The following MACF1 variants were observed in gnomAD, a reference collection of about 807,000 sequenced individuals.
MACF1 encodes microtubule-actin cross-linking factor 1.
A neutral mutation model predicts 854.8 loss-of-function variants in MACF1; 193 were observed. The ratio of observed to expected loss-of-function variants is 0.23; its 90% CI spans 0.20 to 0.25. The LOEUF is 0.25. Among genes scored for constraint, MACF1 ranks in the 10% least tolerant of loss-of-function variants. The pLI is 1.00. For synonymous variants in MACF1, 3,185 were observed against 3,226.7 expected, an observed-to-expected ratio of 0.99 and a Z score of 0.44; for missense variants, 7,722 against 8,929.1, an observed-to-expected ratio of 0.86 and a Z score of 5.45.
rs752144422 is a variant in MACF1, at chr1:39,429,963, T to C, written c.17025T>C (p.Tyr5675=). The C allele has an allele frequency of 2.5e-6, 4 of 1,613,942 alleles. No individual in the cohort carries two copies. The highest frequency in any genetic ancestry group is 3.4e-6 in the Non-Finnish European group (4 of 1,179,930). ...RQLATKFQST[Y]EELTGWLREV... ...TGGCCACCAAGTTCCAGTCTACTTA[T>C]GAGGAACTGACCGGGTGGCTGAGGG... is the stretch of plus-strand genomic sequence containing the variant. The change falls in exon 65 of 101, where the codon TAT becomes TAC. Residue 5675 remains tyrosine (Y), a synonymous_variant. Transcript: ENST00000564288.
At chr1:39,147,050 C>G (rs1191636185) in intron 2 of MACF1, among the ~76,000 whole-genome samples, 3 of 151,164 alleles carry the variant, frequency 2.0e-5, no homozygotes, top group Non-Finnish European at 4.4e-5. Context: ...TTCTCCTCCT[C>G]CTGTTCCTCT....
intron 38 of MACF1, among the ~76,000 whole-genome samples, chr1:39,338,264 T>G (rs1646861824): frequency 6.6e-6 from 1 of 151,692 alleles, no homozygotes; most frequent in Middle Eastern, 3.2e-3. Flanking sequence ...TGGGTTGTTT[T>G]TTTTTTTTAG....
At chr1:39,465,186 A>T (rs974296231) in intron 95 of MACF1, 74 bp downstream of exon 95, 2 of 1,441,408 alleles carry the variant, frequency 1.4e-6, no homozygotes, top group African/African-American at 2.8e-5. Flanking sequence ...GTTCTTCGCT[A>T]TGGGGAGAGG....
chr1:39,378,587 T>C, intron 53 of MACF1, 64 bp downstream of exon 53: 1 of 1,449,430 alleles, frequency 6.9e-7, no homozygotes, highest in Non-Finnish European at 9.7e-7. Flanking sequence ...TATGTTTGCA[T>C]CTGTGTATGT....
At position 39,214,146 on chromosome 1, in the gene MACF1, G is replaced by A. The variant is rs567978820; in HGVS notation, c.109+9015G>A. On this transcript the variant is annotated intron_variant, in intron 1 of 100. Coordinates refer to ENST00000564288, the MANE Select transcript of MACF1 (RefSeq NM_001394062.1). ...AAAGCAGCATTAGCCTGAAGAAGTCGTTCTATTTAGGGAGCTAGAGCAGAG... is the reference window on the plus strand; with the variant it reads ...AAAGCAGCATTAGCCTGAAGAAGTCATTCTATTTAGGGAGCTAGAGCAGAG... Among the ~76,000 whole-genome samples, 20 of 152,248 alleles carry A rather than the reference G, an allele frequency of 1.3e-4. No homozygotes were observed. In the East Asian group the frequency reaches 1.7e-3, roughly 13 times the overall value.
At chr1:39,306,285 G>A (rs138451138) in intron 23 of MACF1, among the ~76,000 whole-genome samples, 3,870 of 151,644 alleles carry the variant, frequency 0.026, 87 homozygotes, top group Middle Eastern at 0.079. Flanking sequence ...GTGCCACCAC[G>A]ACTGGCTAAT....
At chr1:39,153,474 C>T (rs1331292042) in intron 2 of MACF1, among the ~76,000 whole-genome samples, 1 of 152,104 alleles carries the variant, frequency 6.6e-6, no homozygotes, top group Non-Finnish European at 1.5e-5. Flanking sequence ...CTCCTTGGAC[C>T]CACAGCCAAA....
intron 42 of MACF1, among the ~76,000 whole-genome samples, chr1:39,349,991 CA>C: frequency 6.6e-6 from 1 of 152,274 alleles, no homozygotes; most frequent in Non-Finnish European, 1.5e-5. Context: ...TAATGGTAAA[CA>C]GACATCATCC....
intron 2 of MACF1, among the ~76,000 whole-genome samples, chr1:39,180,603 G>A (rs946714559): frequency 1.3e-5 from 2 of 152,106 alleles, no homozygotes; most frequent in African/African-American, 4.8e-5. Flanking sequence ...GCAACAGAGC[G>A]ATACTCCACC....
intron 41 of MACF1, among the ~76,000 whole-genome samples, chr1:39,348,137 A>G (rs1331201455): frequency 6.6e-6 from 1 of 152,206 alleles, no homozygotes; most frequent in Non-Finnish European, 1.5e-5. Context: ...AGTTGGTGCC[A>G]TATGTCCTGT....
chr1:39,471,414 GCTATA>G (rs1644774797), intron 97 of MACF1, among the ~76,000 whole-genome samples: 1 of 152,170 alleles, frequency 6.6e-6, no homozygotes, highest in African/African-American at 2.4e-5. Context: ...TGTAGAGAAT[GCTATA>G]CTGAGGACAG....
In MACF1 at chr1:39,352,560, G is replaced by A. The variant is rs139846606; in HGVS notation, c.11200-447G>A. On this transcript the variant is annotated intron_variant, in intron 43 of 100. Coordinates refer to ENST00000564288, the MANE Select transcript of MACF1 (RefSeq NM_001394062.1). ...TGAGACAGAGTATTGCCGTGTCACCGAAGCTGGAGTGCAGTGGCACGATCT... is the reference window on the plus strand; with the variant it reads ...TGAGACAGAGTATTGCCGTGTCACCAAAGCTGGAGTGCAGTGGCACGATCT... 5.2e-3 allele frequency among the ~76,000 whole-genome samples: 787 copies of A among 152,172 alleles called. 5 individuals are homozygous for A. Among genetic ancestry groups the A allele is most frequent in the African/African-American group, 0.018 (750 of 41,514 alleles).
At chr1:39,450,945 C>T in intron 84 of MACF1, 107 bp from the exon 85 acceptor site, 9 of 1,236,944 alleles carry the variant, frequency 7.3e-6, no homozygotes, top group Non-Finnish European at 1.0e-5. Context: ...ACATAGAAGT[C>T]ACTCTCTATA....
chr1:39,359,534 C>A (rs1480878223), intron 47 of MACF1, among the ~76,000 whole-genome samples: 5 of 152,168 alleles, frequency 3.3e-5, no homozygotes, highest in Non-Finnish European at 5.9e-5. Context: ...CCCAAGTAAA[C>A]CACTTACATT....
intron 94 of MACF1, chr1:39,464,254 T>C (rs188963803): frequency 6.5e-6 from 1 of 153,250 alleles, no homozygotes; most frequent in Non-Finnish European, 1.5e-5. Flanking sequence ...CATAGAAGGA[T>C]CTGAAACAGG....
chr1:39,162,166 AATTTTT>A (rs1381960580), intron 2 of MACF1, among the ~76,000 whole-genome samples: 3 of 151,518 alleles, frequency 2.0e-5, no homozygotes, highest in African/African-American at 7.3e-5. Context: ...GTGCCTGGCT[AATTTTT>A]TGTATTTTTA....
Position 39,444,808 on chromosome 1 carries a change from G to T in MACF1, c.19578G>T (p.Val6526=). 5 of 1,612,178 alleles carry T rather than the reference G, an allele frequency of 3.1e-6. No homozygotes were observed. The highest frequency in any genetic ancestry group is 1.1e-5 in the South Asian group (1 of 90,904). The change falls in exon 80 of 101, where the codon GTG becomes GTT. Residue 6526 remains valine (V), a synonymous_variant. Transcript: ENST00000564288. ...CACTTTTGGAGCAGAAGTGGCATGT[G>T]GTCAGCAGTAAGATGGAAGAAAGAA... ...SVALLEQKWH[V]VSSKMEERKS... is the part of the protein sequence containing the mutation.
rs770919089 is a variant in MACF1 at position 39,463,668 on chromosome 1, C to T, written c.21735C>T (p.Ile7245=). 33 of 1,612,892 alleles carry T rather than the reference C, an allele frequency of 2.0e-5. No homozygotes were observed. The highest frequency in any genetic ancestry group is 1.8e-4 in the Admixed American group (11 of 59,942). The change falls in exon 94 of 101, where the codon ATC becomes ATT. Residue 7245 remains isoleucine (I), a synonymous_variant. Transcript: ENST00000564288. The part of the protein sequence containing the change: ...KCAKRFQVEQ[I]GENKYRFFLG... ...CAAAAAGGTTTCAGGTGGAGCAGAT[C>T]GGAGAGAATAAATACCGGGTAAGGA...
chr1:39,322,990 G>A lies in MACF1; in HGVS notation c.4218G>A (p.Arg1406=), dbSNP rs1173746810. The change falls in exon 33 of 101, where the codon CGG becomes CGA. Residue 1406 remains arginine (R), a synonymous_variant. Transcript: ENST00000564288. ...QHVKYISDAL[R]RLEEEEKVVE... Reference sequence around the variant, plus strand: ...TGAAATACATCAGTGATGCACTCCGGCGTCTGGAGGAGGAGGAGGTGAGGA... The same window carrying A: ...TGAAATACATCAGTGATGCACTCCGACGTCTGGAGGAGGAGGAGGTGAGGA... 6.2e-7 allele frequency: 1 copy of A among 1,613,942 alleles called. No homozygotes were observed. The highest frequency in any genetic ancestry group is 1.3e-5 in the African/African-American group (1 of 74,902).
Sources: gnomAD v4.1 joint callset for allele counts (sites outside exome capture counted in the v4.1 genomes callset) on GRCh38, gnomAD v4.1.1 for gene constraint, MANE v1.5 for transcripts, NCBI Gene and HGNC (gene_info 2026-07-23, HGNC 2026-07-21) for gene names.